Variants in RIMS3 observed in about 807,000 individuals in gnomAD.
The protein encoded by RIMS3 is regulating synaptic membrane exocytosis 3, also known as regulating synaptic membrane exocytosis protein 3.
Under a neutral mutation model 29.2 loss-of-function variants are expected in RIMS3, and 15 were observed. That is an observed-to-expected ratio of 0.51 (90% CI 0.34 to 0.79). The LOEUF (loss-of-function observed/expected upper bound fraction) is 0.79, where lower values mean the gene tolerates loss of function less well. Among genes scored for constraint, RIMS3 ranks in the 30% least tolerant of loss-of-function variants. The pLI is 0.01. For synonymous variants in RIMS3, 161 were observed against 170.1 expected, an observed-to-expected ratio of 0.95 and a Z score of 0.41; for missense variants, 342 against 421.4, an observed-to-expected ratio of 0.81 and a Z score of 1.65.
the RIMS3 span, among the ~76,000 whole-genome samples, chr1:40,685,363 TAA>T: frequency 2.2e-4 from 3 of 13,704 alleles, no homozygotes; most frequent in African/African-American, 6.3e-4. Context: ...TTATATAATA[TAA>T]TATATATTAA....
intron 1 of RIMS3, among the ~76,000 whole-genome samples, chr1:40,661,930 G>A (rs1384121181): frequency 6.6e-6 from 1 of 152,200 alleles, no homozygotes. Context: ...CCAGAGAGAA[G>A]GAGCTGGAGG....
At position 40,623,520 on chromosome 1, in the gene RIMS3, G is replaced by A. The variant is rs1646434910; in HGVS notation, c.*2997C>T. 2.5e-6 allele frequency: 1 copy of A among 398,604 alleles called. No homozygotes were observed. Among genetic ancestry groups the A allele is most frequent in the South Asian group, 1.3e-4 (1 of 7,862 alleles). The allele number at this position is 398,604 out of a possible 1,614,324, so 24.7% of individuals were successfully genotyped here. On this transcript the variant is annotated 3_prime_UTR_variant, in exon 8 of 8. Coordinates refer to ENST00000372684, the MANE Select transcript of RIMS3 (RefSeq NM_014747.3). ...AGTGAACCTCGCCTGACCAGAGGAGGTGGAATGACAAAGAGCTCCATTCCT... is the reference window on the plus strand; with the variant it reads ...AGTGAACCTCGCCTGACCAGAGGAGATGGAATGACAAAGAGCTCCATTCCT...
chr1:40,658,097 G>A (rs754416833), intron 1 of RIMS3, among the ~76,000 whole-genome samples: 6 of 152,202 alleles, frequency 3.9e-5, no homozygotes, highest in African/African-American at 7.2e-5. Context: ...AAGAATGAGT[G>A]ACAGGGGGAA....
At chr1:40,668,126 C>T (rs1353902270), upstream of RIMS3, among the ~76,000 whole-genome samples, 1 of 151,868 alleles carries the variant, frequency 6.6e-6, no homozygotes, top group East Asian at 1.9e-4. Context: ...TGGCATGCAC[C>T]TGTAGTCCCA....
At position 40,647,331 on chromosome 1, in the gene RIMS3, C is replaced by A. The variant is rs184541290; in HGVS notation, c.-32+337G>T. ...CAAATAACTGAGGCTCCCACCACCC[C>A]TCCCCATCCTCTACTCACAGTGGAC... On this transcript the variant is annotated intron_variant, in intron 2 of 7. Transcript: ENST00000372684. Among the ~76,000 whole-genome samples, 216 of 152,178 alleles carry A rather than the reference C, an allele frequency of 1.4e-3. 2 individuals carry two copies. Among genetic ancestry groups the A allele is most frequent in the Middle Eastern group, 6.8e-3 (2 of 294 alleles).
the RIMS3 span, among the ~76,000 whole-genome samples, chr1:40,690,192 C>A: frequency 6.6e-6 from 1 of 152,134 alleles, no homozygotes; most frequent in Non-Finnish European, 1.5e-5. Context: ...TACACTTTTA[C>A]ATTTTTTGGC....
chr1:40,688,052 C>G, the RIMS3 span, among the ~76,000 whole-genome samples: 1 of 152,150 alleles, frequency 6.6e-6, no homozygotes, highest in East Asian at 1.9e-4. Flanking sequence ...GCAACCTCTG[C>G]CTCCCAGGTT....
At chr1:40,651,862 A>G (rs1437600174) in intron 1 of RIMS3, among the ~76,000 whole-genome samples, 34 of 152,156 alleles carry the variant, frequency 2.2e-4, no homozygotes. Flanking sequence ...AAAACCACAT[A>G]TTTTTCTTTT....
rs754607822 is a variant in RIMS3, at chr1:40,635,939, G to A, written c.336C>T (p.Thr112=). 33 of 1,612,842 alleles carry A rather than the reference G, an allele frequency of 2.0e-5. No individual in the cohort carries two copies. The highest frequency in any genetic ancestry group is 1.3e-5 in the Non-Finnish European group (15 of 1,179,972). The part of the protein sequence containing the change: ...QGSRESTDGS[T]NSNSSDGTFI... ...ACGTGCCGTCGGAGCTGTTGCTGTT[G>A]GTGCTCCCATCGGTGGACTCCCGGC... Residue 112 remains threonine, a synonymous_variant, in exon 4 of 8, where the codon ACC becomes ACT. Coordinates refer to ENST00000372684, the MANE Select transcript of RIMS3 (RefSeq NM_014747.3). This position sits in a 1 kb window ranked among gnomAD's most constrained non-coding sequence, Gnocchi z 4.1.
the RIMS3 span, among the ~76,000 whole-genome samples, chr1:40,682,941 A>T: frequency 6.6e-6 from 1 of 151,692 alleles, no homozygotes; most frequent in Non-Finnish European, 1.5e-5. Flanking sequence ...GGGTTTCACC[A>T]TGTTGGCCAG....
chr1:40,631,289 G>A (rs911758618), intron 5 of RIMS3, among the ~76,000 whole-genome samples: 4 of 152,218 alleles, frequency 2.6e-5, no homozygotes, highest in South Asian at 2.1e-4. Context: ...CCAGACTGAA[G>A]CTAACAGGAC....
upstream of RIMS3, among the ~76,000 whole-genome samples, chr1:40,670,609 T>TATATATATATATATATATATATATA (rs55692608): frequency 3.0e-4 from 41 of 135,770 alleles, no homozygotes; most frequent in African/African-American, 3.6e-4. Flanking sequence ...TATATATATA[T>TATATATATATATATATATATATATA]TTGAGATGGA....
chr1:40,689,884 G>A, the RIMS3 span, among the ~76,000 whole-genome samples: 3 of 152,050 alleles, frequency 2.0e-5, 1 homozygote, highest in South Asian at 6.2e-4. Flanking sequence ...GGATCCCTTG[G>A]GACCTCCTAT....
chr1:40,666,339 G>T (rs796612306), upstream of RIMS3, among the ~76,000 whole-genome samples: 18 of 152,336 alleles, frequency 1.2e-4, no homozygotes, highest in African/African-American at 4.3e-4. Flanking sequence ...CAACGAGGAG[G>T]TTGCTACTGG....
chr1:40,640,260 T>A (rs933184117), intron 3 of RIMS3, among the ~76,000 whole-genome samples: 2 of 151,934 alleles, frequency 1.3e-5, no homozygotes, highest in Admixed American at 1.3e-4. Context: ...TAAGTCCCCA[T>A]CTCCCTGACT....
At chr1:40,664,684 A>C (rs564806198) in intron 1 of RIMS3, among the ~76,000 whole-genome samples, 7 of 152,240 alleles carry the variant, frequency 4.6e-5, no homozygotes, top group African/African-American at 1.7e-4. Context: ...GGACCAGGAC[A>C]CTGAAGAAAC....
the RIMS3 span, among the ~76,000 whole-genome samples, chr1:40,678,179 G>A: frequency 3.3e-4 from 50 of 152,234 alleles, no homozygotes; most frequent in East Asian, 6.6e-3. Flanking sequence ...AGGCCAAGGC[G>A]GGTGGATCAC....
Position 40,626,724 on chromosome 1 carries a change from G to A in RIMS3, c.720C>T (p.Ile240=), listed in dbSNP as rs1372671095. ...CCATGCGGCCATAGTCTCCCCAGAC[G>A]ATCACCTGCCAGGAGGAAGAGAGGG... ...EGPQGKVLQV[I]VWGDYGRMDH... is the part of the protein sequence containing the mutation. Residue 240 remains isoleucine, a synonymous_variant, in exon 8 of 8, where the codon ATC becomes ATT. Transcript: ENST00000372684. 6 of 1,613,992 alleles carry A rather than the reference G, an allele frequency of 3.7e-6. No homozygotes were observed. The highest frequency in any genetic ancestry group is 1.3e-5 in the African/African-American group (1 of 75,040).
chr1:40,665,930 C>G (rs1642420345), upstream of RIMS3, among the ~76,000 whole-genome samples: 1 of 152,194 alleles, frequency 6.6e-6, no homozygotes, highest in Admixed American at 6.5e-5. Flanking sequence ...CCTCCCCTCT[C>G]CACCACCTAC....
Sources: allele counts gnomAD v4.1 joint callset (sites outside exome capture counted in the v4.1 genomes callset), GRCh38; gene constraint gnomAD v4.1.1; non-coding constraint Gnocchi (gnomAD v3.1); transcripts MANE v1.5; gene names NCBI Gene and HGNC (gene_info 2026-07-23, HGNC 2026-07-21).